The following PSEN1 variants were observed in gnomAD, a reference collection of about 807,000 sequenced individuals.
The protein encoded by PSEN1 is presenilin 1, also known as presenilin-1.
In PSEN1, 15 loss-of-function variants were observed where a neutral mutation model predicts 53.5. The ratio of observed to expected loss-of-function variants is 0.28; its 90% confidence interval spans 0.19 to 0.43. The LOEUF is 0.43. Among genes scored for constraint, PSEN1 ranks in the 20% least tolerant of loss-of-function variants. The pLI is 1.00. For synonymous variants in PSEN1, 208 were observed against 209.8 expected (o/e 0.99, Z 0.08); for missense variants, 387 against 571.2 (o/e 0.68, Z 3.29).
intron 1 of PSEN1, among the ~76,000 whole-genome samples, chr14:73,143,914 A>G (rs1429858918): frequency 7.1e-6 from 1 of 141,184 alleles, no homozygotes; most frequent in East Asian, 2.4e-4. Flanking sequence ...GACTGAGGCC[A>G]GGAGTTCAAG....
chr14:73,188,146 C>A (rs1898582986), intron 6 of PSEN1, among the ~76,000 whole-genome samples: 1 of 152,126 alleles, frequency 6.6e-6, no homozygotes, highest in Non-Finnish European at 1.5e-5. Context: ...CCAGGATGGT[C>A]TCGATCTCCT....
At chr14:73,208,839 C>T (rs1566651908) in intron 9 of PSEN1, 2 of 455,086 alleles carry the variant, frequency 4.4e-6, no homozygotes, top group South Asian at 3.1e-5. Context: ...TGTCTGCCTC[C>T]TGCTGCCATC....
At chr14:73,206,522 T>G in intron 9 of PSEN1, 50 bp downstream of exon 9, 1 of 1,242,228 alleles carries the variant, frequency 8.1e-7, no homozygotes, top group Non-Finnish European at 1.2e-6. Flanking sequence ...GTCACTGTTA[T>G]AAGCTAACAG....
At chr14:73,215,957 A>G (rs114616749) in intron 10 of PSEN1, among the ~76,000 whole-genome samples, 2,286 of 152,318 alleles carry the variant, frequency 0.015, 58 homozygotes, top group African/African-American at 0.051. Flanking sequence ...AGTCTACCCA[A>G]TGGAAATGAA....
At chr14:73,176,378 C>T (rs1303783296) in intron 5 of PSEN1, among the ~76,000 whole-genome samples, 1 of 152,154 alleles carries the variant, frequency 6.6e-6, no homozygotes, top group South Asian at 2.1e-4. Flanking sequence ...TACCAGGATC[C>T]CATTATACTT....
At chr14:73,192,928 C>A in intron 7 of PSEN1, 64 bp downstream of exon 7, 1 of 1,244,464 alleles carries the variant, frequency 8.0e-7, no homozygotes, top group Non-Finnish European at 1.2e-6. Flanking sequence ...TTTCTTTCCT[C>A]ATCTCTTTAT....
intron 8 of PSEN1, among the ~76,000 whole-genome samples, chr14:73,201,320 T>C (rs1594745563): frequency 6.6e-6 from 1 of 152,134 alleles, no homozygotes; most frequent in Non-Finnish European, 1.5e-5. Context: ...TCTCCTGACC[T>C]TGTGATCCGC....
At chr14:73,152,602 T>C (rs1442923967) in intron 3 of PSEN1, among the ~76,000 whole-genome samples, 3 of 151,526 alleles carry the variant, frequency 2.0e-5, no homozygotes, top group African/African-American at 7.3e-5. Flanking sequence ...AGTGAGGCTG[T>C]CTCAAAAAAA....
chr14:73,186,839 G>A lies in PSEN1; in HGVS notation c.481-14G>A, dbSNP rs369131111. 4 of 1,599,734 alleles carry A rather than the reference G, an allele frequency of 2.5e-6. No homozygotes were observed. The highest frequency in any genetic ancestry group is 1.1e-5 in the South Asian group (1 of 90,776). Reference sequence around the variant, plus strand: ...TGGGACCTGTTAATTATATTGAAATGCTTTCTTTTCTAGGTCATCCATGCC... The same window carrying A: ...TGGGACCTGTTAATTATATTGAAATACTTTCTTTTCTAGGTCATCCATGCC... On this transcript the variant is annotated splice_polypyrimidine_tract_variant and intron_variant, in intron 5 of 11. Coordinates refer to ENST00000324501, the MANE Select transcript of PSEN1 (RefSeq NM_000021.4).
At position 73,222,242 on chromosome 14, in the gene PSEN1, A is replaced by C. The variant is rs547617537; in HGVS notation, c.*2953A>C. On this transcript the variant is annotated 3_prime_UTR_variant, in exon 12 of 12. Transcript: ENST00000324501. ...GGAAGAAAACAGTCATAAGTAAGCAATTTGTTGATTTTACTACAGAAGCAA... is the reference window on the plus strand; with the variant it reads ...GGAAGAAAACAGTCATAAGTAAGCACTTTGTTGATTTTACTACAGAAGCAA... The C allele has an allele frequency of 3.9e-5, 6 of 152,310 alleles. No homozygotes were observed. Among genetic ancestry groups the C allele is most frequent in the African/African-American group, 1.4e-4 (6 of 41,578 alleles). 9.4% of individuals were successfully genotyped at this position (152,310 alleles called of 1,614,324 possible).
At chr14:73,156,331 G>A (rs1361206959) in intron 3 of PSEN1, among the ~76,000 whole-genome samples, 1 of 151,522 alleles carries the variant, frequency 6.6e-6, no homozygotes, top group Non-Finnish European at 1.5e-5. Flanking sequence ...ACTCCAGCCT[G>A]GGCAACACAG....
At chr14:73,211,746 G>T in intron 9 of PSEN1, 23 bp from the exon 10 acceptor site, 1 of 1,613,602 alleles carries the variant, frequency 6.2e-7, no homozygotes. Flanking sequence ...TATTAGAGCT[G>T]TAACTTCCAC....
At chr14:73,140,310 A>C (rs1266528345) in intron 1 of PSEN1, among the ~76,000 whole-genome samples, 1 of 145,540 alleles carries the variant, frequency 6.9e-6, no homozygotes, top group South Asian at 2.1e-4. Flanking sequence ...TCCCAGGTTC[A>C]AGTGATTCTT....
At chr14:73,173,000 G>C (rs2140041838) in intron 4 of PSEN1, among the ~76,000 whole-genome samples, 1 of 152,238 alleles carries the variant, frequency 6.6e-6, no homozygotes, top group East Asian at 1.9e-4. Flanking sequence ...TGTTCTCATA[G>C]CCATCCTAAA....
At chr14:73,218,672 A>G (rs1382268899) in intron 11 of PSEN1, among the ~76,000 whole-genome samples, 3 of 150,672 alleles carry the variant, frequency 2.0e-5, no homozygotes, top group Admixed American at 6.6e-5. Flanking sequence ...CCCGCACAGC[A>G]TAGAGAATGC....
chr14:73,217,619 C>T (rs1899967826), intron 11 of PSEN1, among the ~76,000 whole-genome samples: 1 of 151,984 alleles, frequency 6.6e-6, no homozygotes, highest in Non-Finnish European at 1.5e-5. Context: ...TTCCTTAGTC[C>T]CTGGACTTAA....
At chr14:73,214,653 C>A (rs914468638) in intron 10 of PSEN1, among the ~76,000 whole-genome samples, 1 of 151,914 alleles carries the variant, frequency 6.6e-6, no homozygotes, top group Non-Finnish European at 1.5e-5. Context: ...TGACATGTTA[C>A]AACATGAATA....
At chr14:73,180,024 G>A (rs899752366) in intron 5 of PSEN1, among the ~76,000 whole-genome samples, 9 of 151,004 alleles carry the variant, frequency 6.0e-5, no homozygotes, top group East Asian at 1.9e-4. Flanking sequence ...TCAGTCTCTC[G>A]CCCAGGCTGG....
intron 4 of PSEN1, among the ~76,000 whole-genome samples, chr14:73,172,779 A>G (rs1897930332): frequency 6.6e-6 from 1 of 152,238 alleles, no homozygotes; most frequent in Admixed American, 6.5e-5. Context: ...CCAGATTAGT[A>G]CGGTGGCTTC....
Sources: gnomAD v4.1 joint callset for allele counts (sites outside exome capture counted in the v4.1 genomes callset) on GRCh38, gnomAD v4.1.1 for gene constraint, MANE v1.5 for transcripts, NCBI Gene and HGNC (gene_info 2026-07-23, HGNC 2026-07-21) for gene names.